Variants in IGSF11 observed in about 807,000 individuals in gnomAD.
IGSF11 encodes immunoglobulin superfamily member 11, also known as CXADR like 1.
IGSF11 carries 22 observed loss-of-function variants against 41.0 expected under a neutral mutation model. The observed-to-expected ratio is 0.54, with a 90% CI of 0.38 to 0.77. The LOEUF (loss-of-function observed/expected upper bound fraction) is 0.77. Ranked by LOEUF, IGSF11 falls within the 30% of genes least tolerant of loss-of-function variation. IGSF11 has a pLI of 0.00. For missense variants in IGSF11, 444 were observed against 530.8 expected (o/e 0.84, Z 1.61); for synonymous variants, 219 against 201.3 (o/e 1.09, Z -0.74).
At chr3:119,125,286 G>A (rs987282625) in intron 1 of IGSF11, among the ~76,000 whole-genome samples, 2 of 152,194 alleles carry the variant, frequency 1.3e-5, no homozygotes, top group African/African-American at 2.4e-5. Context: ...ATGCGCGTTC[G>A]TATAAGAGAC....
intron 1 of IGSF11, among the ~76,000 whole-genome samples, chr3:119,047,166 TG>T (rs1404386603): frequency 2.0e-5 from 3 of 150,228 alleles, no homozygotes; most frequent in Admixed American, 6.7e-5. Context: ...CAAATGTAAA[TG>T]GACTAAATGC....
intron 1 of IGSF11, among the ~76,000 whole-genome samples, chr3:119,022,382 C>T (rs1463301609): frequency 6.6e-6 from 1 of 152,024 alleles, no homozygotes; most frequent in African/African-American, 2.4e-5. Context: ...GTACTTAATG[C>T]CACCAAATCA....
chr3:119,050,650 A>G (rs1168056406), intron 1 of IGSF11, among the ~76,000 whole-genome samples: 3 of 152,144 alleles, frequency 2.0e-5, no homozygotes, highest in Non-Finnish European at 2.9e-5. Context: ...TACTGGGTAT[A>G]TACCCAAAGG....
intron 1 of IGSF11, among the ~76,000 whole-genome samples, chr3:118,956,167 G>C (rs1944942467): frequency 6.6e-6 from 1 of 152,020 alleles, no homozygotes; most frequent in Non-Finnish European, 1.5e-5. Flanking sequence ...AAAAATTAGG[G>C]CACTGCTCTA....
intron 1 of IGSF11, among the ~76,000 whole-genome samples, chr3:119,140,500 T>G (rs1437154355): frequency 1.3e-5 from 2 of 152,076 alleles, no homozygotes; most frequent in Admixed American, 6.5e-5. Context: ...TGAAGTGAGA[T>G]ATGGATAATT....
chr3:118,939,671 C>A (rs12492855), intron 1 of IGSF11, among the ~76,000 whole-genome samples: 11,867 of 151,662 alleles, frequency 0.078, 658 homozygotes, highest in Admixed American at 0.16. Context: ...TATGAAAACA[C>A]AACTTATCAA....
chr3:119,104,858 T>C (rs1452594639), intron 1 of IGSF11, among the ~76,000 whole-genome samples: 1 of 152,284 alleles, frequency 6.6e-6, no homozygotes, highest in African/African-American at 2.4e-5. Flanking sequence ...ATAATTGCAT[T>C]GCTTATTTTC....
Position 119,135,699 on chromosome 3 carries a change from C to G in IGSF11, c.-14+10114G>C, listed in dbSNP as rs573833037. ...AACTAGAAATACCATTTGACCCAGCCATCCCATTACTGGGTATATACCCAA... is the reference window on the plus strand; with the variant it reads ...AACTAGAAATACCATTTGACCCAGCGATCCCATTACTGGGTATATACCCAA... On this transcript the variant is annotated intron_variant, in intron 1 of 7. Coordinates refer to the IGSF11 transcript ENST00000425327. Among the ~76,000 whole-genome samples, 32 of 152,240 alleles carry G rather than the reference C, an allele frequency of 2.1e-4. No homozygotes were observed. In the South Asian group the frequency reaches 6.6e-3, roughly 32 times the overall value.
At chr3:118,984,932 A>T (rs1935104625) in intron 1 of IGSF11, among the ~76,000 whole-genome samples, 1 of 152,200 alleles carries the variant, frequency 6.6e-6, no homozygotes, top group Admixed American at 6.5e-5. Flanking sequence ...AGGAAAGAAA[A>T]GGCAGGATGA....
chr3:119,062,569 T>C (rs1210803226), intron 1 of IGSF11, among the ~76,000 whole-genome samples: 2 of 152,190 alleles, frequency 1.3e-5, no homozygotes, highest in African/African-American at 2.4e-5. Context: ...TCTAAAATGA[T>C]TGGGGTAATA....
intron 1 of IGSF11, among the ~76,000 whole-genome samples, chr3:118,998,479 GAA>G (rs1299575852): frequency 1.3e-5 from 2 of 148,212 alleles, no homozygotes; most frequent in African/African-American, 5.0e-5. Context: ...CATTGGGGGG[GAA>G]AAAAAAGAAA....
intron 1 of IGSF11, among the ~76,000 whole-genome samples, chr3:118,994,274 C>A (rs935622159): frequency 6.6e-6 from 1 of 152,178 alleles, no homozygotes; most frequent in Admixed American, 6.5e-5. Context: ...CCTAGCAGCA[C>A]CTACTGCCAA....
Position 119,045,343 on chromosome 3 carries a change from G to A in IGSF11, c.49+59801C>T, listed in dbSNP as rs530521295. On this transcript the variant is annotated intron_variant, in intron 1 of 6. Transcript: ENST00000354673. ...ATTGCCTCACTTGGGAAGCGCAAGG[G>A]GTCAGGGAGTTCCCTTTCCGAGTCA... 7.9e-5 allele frequency among the ~76,000 whole-genome samples: 12 copies of A among 152,358 alleles called. No individual in the cohort carries two copies. The East Asian group carries it at 1.9e-3, about 25-fold the overall frequency.
chr3:119,045,176 G>A (rs1235454412), intron 1 of IGSF11, among the ~76,000 whole-genome samples: 1 of 152,212 alleles, frequency 6.6e-6, no homozygotes, highest in African/African-American at 2.4e-5. Flanking sequence ...CCGGTCTACA[G>A]CTCCCAGCGT....
At chr3:118,998,771 C>T (rs1936518257) in intron 1 of IGSF11, among the ~76,000 whole-genome samples, 2 of 152,062 alleles carry the variant, frequency 1.3e-5, no homozygotes, top group Admixed American at 1.3e-4. Context: ...GCCCTTTAAT[C>T]TACGCTCATT....
At chr3:118,968,848 T>TTG (rs1933025764) in intron 1 of IGSF11, among the ~76,000 whole-genome samples, 1 of 152,244 alleles carries the variant, frequency 6.6e-6, no homozygotes, top group Non-Finnish European at 1.5e-5. Context: ...TTGTTGTACT[T>TTG]GTCAGAGACG....
upstream of IGSF11, chr3:119,034,886 A>G (rs1044021402): frequency 8.1e-6 from 9 of 1,116,332 alleles, no homozygotes; most frequent in African/African-American, 1.6e-5. Context: ...ACTCCCCCCA[A>G]CTCACGCCCC....
chr3:118,902,540 G>T lies in IGSF11; in HGVS notation c.1276C>A (p.Arg426=), dbSNP rs144520595. 1.8e-5 allele frequency: 24 copies of T among 1,362,650 alleles called. 1 individual carries two copies. Among genetic ancestry groups the T allele is most frequent in the Non-Finnish European group, 2.3e-5 (24 of 1,024,206 alleles). 84.4% of individuals were successfully genotyped at this position (1,362,650 alleles called of 1,614,324 possible). A position where few individuals can be genotyped will look rare whatever the true frequency, so the allele number is the denominator to read the frequency against. The change falls in exon 7 of 7, where the codon CGG becomes AGG. Residue 426 remains arginine, a synonymous_variant. Coordinates refer to ENST00000393775, the MANE Select transcript of IGSF11 (RefSeq NM_001015887.3). ...ATGTCCTATACCAAGGACCCGGCCCGACTCTGGGCTGGTACCATGACAGGT... is the reference window on the plus strand; with the variant it reads ...ATGTCCTATACCAAGGACCCGGCCCTACTCTGGGCTGGTACCATGACAGGT... ...AVPVMVPAQS[R]AGSLV is the part of the protein sequence containing the mutation.
chr3:118,990,870 A>T (rs2107651984), intron 1 of IGSF11, among the ~76,000 whole-genome samples: 1 of 152,322 alleles, frequency 6.6e-6, no homozygotes, highest in South Asian at 2.1e-4. Flanking sequence ...AAGGGTATGT[A>T]TATATGTGTA....
Sources: allele counts gnomAD v4.1 joint callset (sites outside exome capture counted in the v4.1 genomes callset), GRCh38; gene constraint gnomAD v4.1.1; transcripts MANE v1.5; gene names NCBI Gene and HGNC (gene_info 2026-07-23, HGNC 2026-07-21).